TACC2: variants seen among roughly 807,000 people sequenced by gnomAD.
TACC2 encodes transforming acidic coiled-coil containing protein 2.
A neutral mutation model predicts 227.3 loss-of-function variants in TACC2; 137 were observed. That is an observed-to-expected ratio of 0.60 (90% CI 0.52 to 0.69). TACC2 has a LOEUF of 0.69. TACC2 is among the 30% of genes least tolerant of loss of function. The pLI, the probability that TACC2 is intolerant of heterozygous loss-of-function variation, is 0.00. For synonymous variants in TACC2, 1,523 were observed against 1,487.5 expected, an observed-to-expected ratio of 1.02 and a Z score of -0.55; for missense variants, 3,470 against 3,694.4, an observed-to-expected ratio of 0.94 and a Z score of 1.57.
intron 1 of TACC2, among the ~76,000 whole-genome samples, chr10:122,011,188 C>G: frequency 9.0e-6 from 1 of 110,650 alleles, no homozygotes; most frequent in Admixed American, 1.1e-4. Context: ...GACAGGGATG[C>G]AGGGTCAGGT....
intron 8 of TACC2, among the ~76,000 whole-genome samples, chr10:122,204,238 A>G (rs2095025622): frequency 6.6e-6 from 1 of 151,966 alleles, no homozygotes; most frequent in African/African-American, 2.4e-5. Flanking sequence ...TTTAGCTTTT[A>G]AAGAAAGCAC....
At chr10:122,069,617 G>A in intron 3 of TACC2, among the ~76,000 whole-genome samples, 1 of 152,152 alleles carries the variant, frequency 6.6e-6, no homozygotes, top group Non-Finnish European at 1.5e-5. Context: ...TCCTCCATTA[G>A]CCCAACCCTT....
At chr10:122,021,663 C>T (rs556267003) in intron 1 of TACC2, among the ~76,000 whole-genome samples, 1 of 152,096 alleles carries the variant, frequency 6.6e-6, no homozygotes, top group African/African-American at 2.4e-5. Flanking sequence ...TATATGTGTA[C>T]GCTGGCACTA....
At chr10:122,069,248 T>A (rs2459074) in intron 3 of TACC2, among the ~76,000 whole-genome samples, 136,105 of 150,360 alleles carry the variant, frequency 0.91, 62,285 homozygotes, top group East Asian at 1. Flanking sequence ...TTATTTATTT[T>A]TTTTTTTTTT....
intron 5 of TACC2, among the ~76,000 whole-genome samples, chr10:122,128,939 C>G (rs1247946693): frequency 6.6e-6 from 1 of 151,934 alleles, no homozygotes; most frequent in Admixed American, 6.6e-5. Context: ...TATAGACACA[C>G]ATACCCATGT....
chr10:122,042,077 C>G (rs1002945928), intron 2 of TACC2, among the ~76,000 whole-genome samples: 1 of 152,152 alleles, frequency 6.6e-6, no homozygotes, highest in African/African-American at 2.4e-5. Flanking sequence ...TCCCGAGTAG[C>G]TGGGACCACA....
At chr10:122,211,870 G>A (rs954474898) in intron 9 of TACC2, among the ~76,000 whole-genome samples, 162 bp downstream of exon 9, 1 of 152,194 alleles carries the variant, frequency 6.6e-6, no homozygotes, top group African/African-American at 2.4e-5. Context: ...CAATGTACGT[G>A]TTTTCCTTCC....
At chr10:122,077,219 T>C (rs1325105474) in intron 3 of TACC2, among the ~76,000 whole-genome samples, 1 of 152,166 alleles carries the variant, frequency 6.6e-6, no homozygotes, top group African/African-American at 2.4e-5. Context: ...TTCAGTTGTT[T>C]CTGTCCATCC....
At chr10:122,039,436 C>T (rs1235521754) in intron 2 of TACC2, among the ~76,000 whole-genome samples, 1 of 152,002 alleles carries the variant, frequency 6.6e-6, no homozygotes, top group East Asian at 1.9e-4. Flanking sequence ...TATGAGGGTT[C>T]AGGCTGCTGA....
At chr10:121,992,414 A>G (rs1953063956) in intron 1 of TACC2, among the ~76,000 whole-genome samples, 1 of 152,236 alleles carries the variant, frequency 6.6e-6, no homozygotes, top group Non-Finnish European at 1.5e-5. Flanking sequence ...CAACAGGAAA[A>G]TTTGACTTAA....
intron 22 of TACC2, among the ~76,000 whole-genome samples, chr10:122,250,226 C>T (rs982893867): frequency 4.6e-5 from 7 of 152,240 alleles, no homozygotes; most frequent in African/African-American, 1.7e-4. Context: ...GAAGCTCCCT[C>T]AGCCCAGGAG....
chr10:122,167,823 G>A (rs2093263207), intron 7 of TACC2, among the ~76,000 whole-genome samples: 1 of 152,190 alleles, frequency 6.6e-6, no homozygotes, highest in South Asian at 2.1e-4. Context: ...CACTCAGAAG[G>A]CCAGAAACGG....
chr10:122,147,922 C>G (rs115601569), intron 7 of TACC2, among the ~76,000 whole-genome samples: 2,802 of 152,270 alleles, frequency 0.018, 76 homozygotes, highest in African/African-American at 0.063. Context: ...CACCTCGACT[C>G]TCTCCACAGC....
chr10:122,045,694 A>G (rs180862133), intron 2 of TACC2, among the ~76,000 whole-genome samples: 41 of 152,354 alleles, frequency 2.7e-4, no homozygotes, highest in Non-Finnish European at 4.4e-4. Context: ...TTATCTGGAA[A>G]ATGGAAAACA....
intron 2 of TACC2, among the ~76,000 whole-genome samples, chr10:122,048,597 GTCTTC>G (rs1230423529): frequency 6.6e-6 from 1 of 151,956 alleles, no homozygotes. Context: ...GGCTCAAGCA[GTCTTC>G]CCACCTCGCC....
chr10:122,109,181 G>A (rs2083298264), intron 5 of TACC2, among the ~76,000 whole-genome samples: 1 of 152,208 alleles, frequency 6.6e-6, no homozygotes, highest in Non-Finnish European at 1.5e-5. Flanking sequence ...AGCCAGGAGT[G>A]GGATTGCTGG....
chr10:122,049,073 T>G (rs1356116758), intron 2 of TACC2, among the ~76,000 whole-genome samples: 1 of 152,238 alleles, frequency 6.6e-6, no homozygotes, highest in Non-Finnish European at 1.5e-5. Flanking sequence ...TTTGTTTTCC[T>G]CCAAGCTGAT....
intron 5 of TACC2, among the ~76,000 whole-genome samples, chr10:122,107,441 T>C (rs2082948135): frequency 6.6e-6 from 1 of 151,756 alleles, no homozygotes; most frequent in South Asian, 2.1e-4. Flanking sequence ...ATACAAAAAT[T>C]AGCCAGGTGT....
chr10:122,207,995 G>A lies in TACC2; in HGVS notation c.5972-2402G>A, dbSNP rs552353505. Among the ~76,000 whole-genome samples, 7 of 152,310 alleles carry A rather than the reference G, an allele frequency of 4.6e-5. No individual in the cohort carries two copies. The East Asian group carries it at 9.7e-4, about 21-fold the overall frequency. ...CTCCGTGTATCCAGGGGCAATTACA[G>A]AGCAGGAAGAGGAGGTCACGGCTGG... On this transcript the variant is annotated intron_variant, in intron 8 of 22. Coordinates refer to ENST00000369005, the MANE Select transcript of TACC2 (RefSeq NM_206862.4).
Sources: gnomAD v4.1 joint callset for allele counts (sites outside exome capture counted in the v4.1 genomes callset) on GRCh38, gnomAD v4.1.1 for gene constraint, MANE v1.5 for transcripts, NCBI Gene and HGNC (gene_info 2026-07-23, HGNC 2026-07-21) for gene names.